Variants in HACD4 observed in about 807,000 individuals in gnomAD.
HACD4 encodes 3-hydroxyacyl-CoA dehydratase 4, also known as very-long-chain (3R)-3-hydroxyacyl-CoA dehydratase 4.
In HACD4, 35 loss-of-function variants were observed where a neutral mutation model predicts 33.3. The ratio of observed to expected loss-of-function variants is 1.05; its 90% CI spans 0.80 to 1.39. The LOEUF (loss-of-function observed/expected upper bound fraction) is 1.39. HACD4 is among the 40% of genes most tolerant of loss of function. The pLI, the probability that HACD4 is intolerant of heterozygous loss-of-function variation, is 0.00. For missense variants in HACD4, 323 were observed against 276.5 expected, an observed-to-expected ratio of 1.17 and a Z score of -1.19; for synonymous variants, 118 against 98.0, an observed-to-expected ratio of 1.20 and a Z score of -1.21.
chr9:21,026,813 T>C (rs1818074316), intron 2 of HACD4, 90 bp from the exon 3 acceptor site: 1 of 999,754 alleles, frequency 1.0e-6, no homozygotes, highest in Non-Finnish European at 1.5e-6. Flanking sequence ...CAAATGGAGA[T>C]TATTCACTTC....
intron 6 of HACD4, among the ~76,000 whole-genome samples, 189 bp downstream of exon 6, chr9:21,007,832 T>C (rs555468309): frequency 1.3e-5 from 2 of 152,298 alleles, no homozygotes; most frequent in East Asian, 1.9e-4. Flanking sequence ...AAGTGAAATA[T>C]ATGATCCCAT....
intron 3 of HACD4, among the ~76,000 whole-genome samples, chr9:21,020,377 G>T (rs1247094221): frequency 1.3e-5 from 2 of 152,108 alleles, no homozygotes; most frequent in Non-Finnish European, 2.9e-5. Context: ...ATGACACAAA[G>T]GTTAGTGTTG....
intron 3 of HACD4, among the ~76,000 whole-genome samples, chr9:21,025,387 C>A (rs1265443071): frequency 2.1e-5 from 3 of 140,172 alleles, no homozygotes; most frequent in Non-Finnish European, 4.7e-5. Flanking sequence ...TTTCATTTAA[C>A]AAAAATTTAA....
chr9:21,026,823 C>T, intron 2 of HACD4, 100 bp from the exon 3 acceptor site: 1 of 926,060 alleles, frequency 1.1e-6, no homozygotes, highest in Non-Finnish European at 1.7e-6. Context: ...TTATTCACTT[C>T]CTTTTTCATT....
chr9:21,029,626 G>A (rs142919654), intron 1 of HACD4, among the ~76,000 whole-genome samples: 5 of 152,176 alleles, frequency 3.3e-5, no homozygotes, highest in African/African-American at 1.2e-4. Context: ...ATGAAGTTAC[G>A]TCCTGGTACA....
At position 21,003,682 on chromosome 9, in the gene HACD4, C is replaced by T. The variant is rs188009712; in HGVS notation, c.*3355G>A. The T allele has an allele frequency of 6.6e-6, 1 of 152,152 alleles. No individual in the cohort carries two copies. Among genetic ancestry groups the T allele is most frequent in the Admixed American group, 6.5e-5 (1 of 15,280 alleles). The allele number at this position is 152,152 out of a possible 1,614,324, so 9.4% of individuals were successfully genotyped here. A position where few individuals can be genotyped will look rare whatever the true frequency, so the allele number is the denominator to read the frequency against. On this transcript the variant is annotated 3_prime_UTR_variant, in exon 7 of 7. Coordinates refer to ENST00000495827, the MANE Select transcript of HACD4 (RefSeq NM_001010915.5). The stretch of plus-strand genomic sequence containing the variant: ...TCACAATATATTTAATACCTTTTTA[C>T]ATAGTTTCTAGGTAAGATCTTTATA...
rs146195168 is a variant in HACD4 at position 21,007,025 on chromosome 9, G to C, written c.*12C>G. On this transcript the variant is annotated 3_prime_UTR_variant, in exon 7 of 7. Transcript: ENST00000495827. ...GCCTGTCTTTTCTCGTGTCACACTGGAATGCTGTACTTCACATCTTCTTTT... is the reference window on the plus strand; with the variant it reads ...GCCTGTCTTTTCTCGTGTCACACTGCAATGCTGTACTTCACATCTTCTTTT... The C allele has an allele frequency of 4.1e-6, 6 of 1,454,266 alleles. No individual in the cohort carries two copies. In the African/African-American group the frequency reaches 5.6e-5, roughly 14 times the overall value. The allele number at this position is 1,454,266 out of a possible 1,614,324, so 90.1% of individuals were successfully genotyped here. A position where few individuals can be genotyped will look rare whatever the true frequency, so the allele number is the denominator to read the frequency against.
In HACD4 at chr9:21,000,493, A is replaced by C. The variant is rs1304424651; in HGVS notation, c.*6544T>G. ...AAGGTAGGATCCTGAGCTTATTCCC[A>C]GAGCTTCTGATTCAACTATCTTTAG... On this transcript the variant is annotated 3_prime_UTR_variant, in exon 7 of 7. Coordinates refer to ENST00000495827, the MANE Select transcript of HACD4 (RefSeq NM_001010915.5). 6.6e-6 allele frequency: 1 copy of C among 152,144 alleles called. No individual in the cohort carries two copies. Among genetic ancestry groups the C allele is most frequent in the Non-Finnish European group, 1.5e-5 (1 of 68,006 alleles). 9.4% of individuals were successfully genotyped at this position (152,144 alleles called of 1,614,324 possible).
chr9:21,028,159 G>T (rs893105497), intron 2 of HACD4, among the ~76,000 whole-genome samples: 3 of 144,008 alleles, frequency 2.1e-5, no homozygotes, highest in African/African-American at 7.7e-5. Flanking sequence ...AAAGAAAAAA[G>T]AAAAGAAAAA....
intron 4 of HACD4, chr9:21,015,630 G>C: frequency 3.4e-6 from 1 of 295,764 alleles, no homozygotes; most frequent in South Asian, 8.6e-5. Context: ...AAACAGCTGA[G>C]GGTTATTCCA....
At chr9:21,031,457 G>C in intron 1 of HACD4, 96 bp downstream of exon 1, 1 of 1,352,714 alleles carries the variant, frequency 7.4e-7, no homozygotes, top group Non-Finnish European at 9.4e-7. Flanking sequence ...CTGGCGGGCG[G>C]GGGGTGCCGC....
At chr9:21,027,852 G>A (rs984412652) in intron 2 of HACD4, among the ~76,000 whole-genome samples, 8 of 152,134 alleles carry the variant, frequency 5.3e-5, no homozygotes, top group Admixed American at 3.3e-4. Context: ...GAAATGCGCC[G>A]AGCCGGGCAC....
chr9:20,999,688 T>C lies in HACD4; in HGVS notation c.*7349A>G, dbSNP rs1056874139. ...GAAATTCATTACCTAATTAAGCCGATAGATTTCTTGAAATATATTTCTAGA... is the reference window on the plus strand; with the variant it reads ...GAAATTCATTACCTAATTAAGCCGACAGATTTCTTGAAATATATTTCTAGA... On this transcript the variant is annotated 3_prime_UTR_variant, in exon 7 of 7. Coordinates refer to ENST00000495827, the MANE Select transcript of HACD4 (RefSeq NM_001010915.5). 3.3e-5 allele frequency: 5 copies of C among 152,316 alleles called. No individual in the cohort carries two copies. Among genetic ancestry groups the C allele is most frequent in the Admixed American group, 6.5e-5 (1 of 15,286 alleles). 9.4% of individuals were successfully genotyped at this position (152,316 alleles called of 1,614,324 possible). A position where few individuals can be genotyped will look rare whatever the true frequency, so the allele number is the denominator to read the frequency against.
At position 21,005,748 on chromosome 9, in the gene HACD4, G is replaced by C. The variant is rs1247657143; in HGVS notation, c.*1289C>G. ...TGGGGGCAATACCTCTGCCTCACTG[G>C]GTCCTGAAGCCAGAGTATCAGGCCA... On this transcript the variant is annotated 3_prime_UTR_variant, in exon 7 of 7. Coordinates refer to ENST00000495827, the MANE Select transcript of HACD4 (RefSeq NM_001010915.5). This position sits in a 1 kb window ranked among gnomAD's most constrained non-coding sequence, Gnocchi z 4.0. 6.6e-6 allele frequency: 1 copy of C among 152,186 alleles called. No homozygotes were observed. The highest frequency in any genetic ancestry group is 1.5e-5 in the Non-Finnish European group (1 of 68,074). The allele number at this position is 152,186 out of a possible 1,614,324, so 9.4% of individuals were successfully genotyped here. A position where few individuals can be genotyped will look rare whatever the true frequency, so the allele number is the denominator to read the frequency against.
chr9:21,017,989 C>G (rs1817805829), intron 3 of HACD4: 1 of 152,144 alleles, frequency 6.6e-6, no homozygotes, highest in Admixed American at 6.5e-5. Context: ...GGCAAGGTAG[C>G]GATGAAATCC....
chr9:21,011,139 A>G (rs559177941), intron 5 of HACD4, among the ~76,000 whole-genome samples: 1 of 152,342 alleles, frequency 6.6e-6, no homozygotes, highest in East Asian at 1.9e-4. Flanking sequence ...TGCCTCCCTC[A>G]GAAAATGATG....
Position 21,006,132 on chromosome 9 carries a change from G to C in HACD4, c.*905C>G, listed in dbSNP as rs1842262698. 1 of 152,162 alleles carries C rather than the reference G, an allele frequency of 6.6e-6. No individual in the cohort carries two copies. The highest frequency in any genetic ancestry group is 6.5e-5 in the Admixed American group (1 of 15,280). 9.4% of individuals were successfully genotyped at this position (152,162 alleles called of 1,614,324 possible). The stretch of plus-strand genomic sequence containing the variant: ...GGAGGACATGAATTTTGTAGGACCA[G>C]GTACAGAATGCTATGGAGTGAATCT... On this transcript the variant is annotated 3_prime_UTR_variant, in exon 7 of 7. Transcript: ENST00000495827. The surrounding 1 kb of genome is among the most constrained non-coding windows in gnomAD (Gnocchi z 4.6).
At chr9:21,010,684 T>C (rs1166667331) in intron 5 of HACD4, among the ~76,000 whole-genome samples, 1 of 152,126 alleles carries the variant, frequency 6.6e-6, no homozygotes, top group Non-Finnish European at 1.5e-5. Flanking sequence ...TTTATTTGTA[T>C]TATTATTACA....
chr9:21,015,221 A>AG (rs1282864064), intron 4 of HACD4: 1 of 152,188 alleles, frequency 6.6e-6, no homozygotes, highest in African/African-American at 2.4e-5. Flanking sequence ...AAAACAAACT[A>AG]GGGCTCTTTT....
Sources: allele counts gnomAD v4.1 joint callset (sites outside exome capture counted in the v4.1 genomes callset), GRCh38; gene constraint gnomAD v4.1.1; non-coding constraint Gnocchi (gnomAD v3.1); transcripts MANE v1.5; gene names NCBI Gene and HGNC (gene_info 2026-07-23, HGNC 2026-07-21).